The following TMED9 variants were observed in gnomAD, a reference collection of about 807,000 sequenced individuals.
The protein encoded by TMED9 is transmembrane emp24 domain-containing protein 9.
In TMED9, 22 loss-of-function variants were observed where a neutral mutation model predicts 30.6. The ratio of observed to expected loss-of-function variants is 0.72; its 90% confidence interval spans 0.51 to 1.03. The LOEUF is 1.03. TMED9 is among the 50% of genes least tolerant of loss of function. TMED9 has a pLI of 0.00. For missense variants in TMED9, 251 were observed against 302.1 expected (o/e 0.83, Z 1.25); for synonymous variants, 146 against 122.8 (o/e 1.19, Z -1.25).
chr5:177,595,144 C>A, intron 4 of TMED9, 123 bp from the exon 5 acceptor site: 2 of 1,038,328 alleles, frequency 1.9e-6, no homozygotes, highest in Non-Finnish European at 2.7e-6. Flanking sequence ...GGTAGAGTGA[C>A]ACTTTGCAGG....
Position 177,595,477 on chromosome 5 carries a change from A to C in TMED9, c.*61A>C, listed in dbSNP as rs1360422325. The C allele has an allele frequency of 2.0e-6, 3 of 1,535,248 alleles. No homozygotes were observed. In the African/African-American group the frequency reaches 4.1e-5, roughly 21 times the overall value. On this transcript the variant is annotated 3_prime_UTR_variant, in exon 5 of 5. Transcript: ENST00000332598. ...GGGGAGAAAGGACCTCCTGGAACTG[A>C]CTTCTTCTGTCAGGAGGACTGGTTT...
At chr5:177,595,154 G>A in intron 4 of TMED9, 113 bp from the exon 5 acceptor site, 1 of 1,157,830 alleles carries the variant, frequency 8.6e-7, no homozygotes. Flanking sequence ...CACTTTGCAG[G>A]CACTTGGCTG....
chr5:177,592,379 G>A lies in TMED9; in HGVS notation c.165G>A (p.Pro55=). Reference sequence around the variant, plus strand: ...AGAAGTGCTTTATTGAGGAGATCCCGGACGAGACCATGGTCATAGGTGCGG... The same window carrying A: ...AGAAGTGCTTTATTGAGGAGATCCCAGACGAGACCATGGTCATAGGTGCGG... ...TEKKCFIEEI[P]DETMVIGNYR... is the part of the protein sequence containing the mutation. The change falls in exon 1 of 5, where the codon CCG becomes CCA. Residue 55 remains proline, a synonymous_variant. Coordinates refer to ENST00000332598, the MANE Select transcript of TMED9 (RefSeq NM_017510.6). The A allele has an allele frequency of 6.2e-7, 1 of 1,601,764 alleles. No homozygotes were observed. The highest frequency in any genetic ancestry group is 2.2e-5 in the East Asian group (1 of 44,452).
At chr5:177,595,179 C>T in intron 4 of TMED9, 88 bp from the exon 5 acceptor site, 1 of 1,420,258 alleles carries the variant, frequency 7.0e-7, no homozygotes, top group East Asian at 2.5e-5. Flanking sequence ...CTGGGCAAAG[C>T]TGGCTGACCT....
chr5:177,593,987 G>T, intron 3 of TMED9, 152 bp from the exon 4 acceptor site: 1 of 1,219,326 alleles, frequency 8.2e-7, no homozygotes, highest in Non-Finnish European at 1.2e-6. Flanking sequence ...TTGCTTGTGT[G>T]CCCAGAGCCT....
rs192004391 is a variant in TMED9 at position 177,596,672 on chromosome 5, T to G, written c.*1256T>G. ...TTGTGAGGAAGCTGGAAAGGAAGGT[T>G]GGATTAGAGAAGCCTCGAGCTCCAG... On this transcript the variant is annotated 3_prime_UTR_variant, in exon 5 of 5. Transcript: ENST00000332598. 5.5e-4 allele frequency among the ~76,000 whole-genome samples: 84 copies of G among 152,254 alleles called. No individual in the cohort carries two copies. The highest frequency in any genetic ancestry group is 2.0e-3 in the African/African-American group (81 of 41,538).
chr5:177,595,226 C>T, intron 4 of TMED9, 41 bp from the exon 5 acceptor site: 1 of 1,489,252 alleles, frequency 6.7e-7, no homozygotes, highest in Non-Finnish European at 9.0e-7. Flanking sequence ...GCAGTTCTAG[C>T]AGCCCCAGCC....
rs1209621292 is a variant in TMED9, at chr5:177,592,226, G to A, written c.12G>A (p.Glu4=). 1 of 1,605,742 alleles carries A rather than the reference G, an allele frequency of 6.2e-7. No individual in the cohort carries two copies. Among genetic ancestry groups the A allele is most frequent in the Non-Finnish European group, 8.5e-7 (1 of 1,177,006 alleles). The change falls in exon 1 of 5, where the codon GAG becomes GAA. Residue 4 remains glutamate (E), a synonymous_variant. Coordinates refer to ENST00000332598, the MANE Select transcript of TMED9 (RefSeq NM_017510.6). ...GCAGGTGGAGCAAGATGGCTGTGGA[G>A]CTGGGCGTGCTGCTCGTCCGGCCCC... MAV[E]LGVLLVRPRP...
In TMED9 at chr5:177,595,878, A is replaced by G; in HGVS notation, c.*462A>G. 6.5e-6 allele frequency: 1 copy of G among 153,152 alleles called. No individual in the cohort carries two copies. The highest frequency in any genetic ancestry group is 1.5e-5 in the Non-Finnish European group (1 of 68,426). 9.5% of individuals were successfully genotyped at this position (153,152 alleles called of 1,614,324 possible). A position where few individuals can be genotyped will look rare whatever the true frequency, so the allele number is the denominator to read the frequency against. On this transcript the variant is annotated 3_prime_UTR_variant, in exon 5 of 5. Coordinates refer to ENST00000332598, the MANE Select transcript of TMED9 (RefSeq NM_017510.6). ...TCTTTCAGCCTAGACCTGCTGATCC[A>G]GGGTGTGTGTGAGTTGAGGGTGGGT...
Position 177,592,225 on chromosome 5 carries a change from A to G in TMED9, c.11A>G (p.Glu4Gly), listed in dbSNP as rs747609878. The change falls in exon 1 of 5, where the codon GAG (glutamate) becomes GGG (glycine). Residue 4 changes from glutamate (E) to glycine (G), a missense_variant. Glu to Gly is a moderately conservative substitution (Grantham distance 98). Around this residue, in one of 2 missense-constraint regions of TMED9, gnomAD observed 98 missense variants for 62.5 expected, o/e 1.57. Coordinates refer to ENST00000332598, the MANE Select transcript of TMED9 (RefSeq NM_017510.6). MAV[E>G]LGVLLVRPRP... ...GGCAGGTGGAGCAAGATGGCTGTGG[A>G]GCTGGGCGTGCTGCTCGTCCGGCCC... The G allele has an allele frequency of 3.0e-5, 48 of 1,605,038 alleles. No individual in the cohort carries two copies. Among genetic ancestry groups the G allele is most frequent in the Non-Finnish European group, 4.0e-5 (47 of 1,176,848 alleles).
chr5:177,595,656 T>TTTACCAGCCCCTG lies in TMED9; in HGVS notation c.*240_*241insTTACCAGCCCCTG. On this transcript the variant is annotated 3_prime_UTR_variant, in exon 5 of 5. Transcript: ENST00000332598. ...CGTTTGGTAGTAATCACCCAAGGGCTGGTAAAGCCCCTCCTCTTGGCACCT... is the reference window on the plus strand; with the variant it reads ...CGTTTGGTAGTAATCACCCAAGGGCTTTACCAGCCCCTGGGTAAAGCCCCTCCTCTTGGCACCT... The TTTACCAGCCCCTG allele has an allele frequency of 8.5e-6, 2 of 234,374 alleles. No individual in the cohort carries two copies. Among genetic ancestry groups the TTTACCAGCCCCTG allele is most frequent in the Non-Finnish European group, 1.6e-5 (2 of 123,762 alleles). The allele number at this position is 234,374 out of a possible 1,614,324, so 14.5% of individuals were successfully genotyped here. A position where few individuals can be genotyped will look rare whatever the true frequency, so the allele number is the denominator to read the frequency against.
In TMED9 at chr5:177,592,251, C is replaced by T. The variant is rs758676727; in HGVS notation, c.37C>T (p.Arg13Trp). The T allele has an allele frequency of 1.8e-5, 29 of 1,610,920 alleles. No homozygotes were observed. Among genetic ancestry groups the T allele is most frequent in the African/African-American group, 5.3e-5 (4 of 74,882 alleles). ...VELGVLLVRPRPGTGLGRVMR... is the reference protein window; with the variant it reads ...VELGVLLVRPWPGTGLGRVMR... ...GCTGGGCGTGCTGCTCGTCCGGCCC[C>T]GGCCCGGAACCGGGCTGGGTAGAGT... Residue 13 changes from arginine (R) to tryptophan (W), a missense_variant, in exon 1 of 5, where the codon CGG becomes TGG. Coordinates refer to ENST00000332598, the MANE Select transcript of TMED9 (RefSeq NM_017510.6).
chr5:177,593,389 A>C, intron 2 of TMED9: 1 of 396,918 alleles, frequency 2.5e-6, no homozygotes, highest in Admixed American at 4.0e-5. Context: ...GAAAGGGCAT[A>C]AGCTATAAAG....
rs11545864 is a variant in TMED9, at chr5:177,593,712, T to C, written c.348T>C (p.Gly116=). Residue 116 remains glycine (G), a synonymous_variant, in exon 3 of 5, where the codon GGT becomes GGC. Transcript: ENST00000332598. ...TCACTTTCACTTCCCATACCCCTGG[T>C]GAGCACCAGATCTGTCTTCACTCCA... The part of the protein sequence containing the change: ...GRFTFTSHTP[G]EHQICLHSNS... The C allele has an allele frequency of 3.3e-4, 537 of 1,614,224 alleles. 1 individual carries two copies. In the African/African-American group the frequency reaches 5.9e-3, roughly 18 times the overall value.
At position 177,592,238 on chromosome 5, in the gene TMED9, G is replaced by C. The variant is rs903657637; in HGVS notation, c.24G>C (p.Leu8=). 6.2e-7 allele frequency: 1 copy of C among 1,609,098 alleles called. No individual in the cohort carries two copies. The part of the protein sequence containing the change: MAVELGV[L]LVRPRPGTGL... ...AGATGGCTGTGGAGCTGGGCGTGCT[G>C]CTCGTCCGGCCCCGGCCCGGAACCG... The change falls in exon 1 of 5, where the codon CTG becomes CTC. Residue 8 remains leucine (L), a synonymous_variant. Coordinates refer to ENST00000332598, the MANE Select transcript of TMED9 (RefSeq NM_017510.6).
Position 177,592,210 on chromosome 5 carries a change from G to C in TMED9, c.-5G>C. The C allele has an allele frequency of 6.3e-7, 1 of 1,594,868 alleles. No individual in the cohort carries two copies. The highest frequency in any genetic ancestry group is 8.5e-7 in the Non-Finnish European group (1 of 1,172,634). On this transcript the variant is annotated 5_prime_UTR_variant, in exon 1 of 5. Coordinates refer to ENST00000332598, the MANE Select transcript of TMED9 (RefSeq NM_017510.6). ...GGCTGCGGCTGCGCAGGCAGGTGGAGCAAGATGGCTGTGGAGCTGGGCGTG... is the reference window on the plus strand; with the variant it reads ...GGCTGCGGCTGCGCAGGCAGGTGGACCAAGATGGCTGTGGAGCTGGGCGTG...
chr5:177,594,476 C>G (rs1767648925), intron 4 of TMED9, among the ~76,000 whole-genome samples, 191 bp downstream of exon 4: 5 of 152,212 alleles, frequency 3.3e-5, no homozygotes, highest in Admixed American at 3.3e-4. Context: ...TGTCATTGCC[C>G]TAAATCACAG....
chr5:177,595,146 C>A, intron 4 of TMED9, 121 bp from the exon 5 acceptor site: 1 of 1,081,384 alleles, frequency 9.2e-7, no homozygotes, highest in South Asian at 1.8e-5. Flanking sequence ...TAGAGTGACA[C>A]TTTGCAGGCA....
At chr5:177,594,519 C>A (rs1278986899) in intron 4 of TMED9, among the ~76,000 whole-genome samples, 1 of 152,198 alleles carries the variant, frequency 6.6e-6, no homozygotes, top group South Asian at 2.1e-4. Flanking sequence ...GCATTTGATA[C>A]CAACACCTTG....
Sources: gnomAD v4.1 joint callset for allele counts (sites outside exome capture counted in the v4.1 genomes callset) on GRCh38, gnomAD v4.1.1 for gene constraint, gnomAD v4.1.1 regional missense constraint, MANE v1.5 for transcripts, NCBI Gene and HGNC (gene_info 2026-07-23, HGNC 2026-07-21) for gene names.